SFMBT2: variants seen among roughly 807,000 people sequenced by gnomAD.
The protein encoded by SFMBT2 is Scm like with four mbt domains 2.
SFMBT2 carries 38 observed loss-of-function variants against 110.1 expected under a neutral mutation model. The ratio of observed to expected loss-of-function variants is 0.35; its 90% CI spans 0.27 to 0.45. The LOEUF (loss-of-function observed/expected upper bound fraction) is 0.45. Among genes scored for constraint, SFMBT2 ranks in the 20% least tolerant of loss-of-function variants. SFMBT2 has a pLI of 1.00. For synonymous variants in SFMBT2, 425 were observed against 425.4 expected, an observed-to-expected ratio of 1.00 and a Z score of 0.01; for missense variants, 1,011 against 1,094.9, an observed-to-expected ratio of 0.92 and a Z score of 1.08.
At chr10:7,175,732 C>T (rs1033986729) in intron 17 of SFMBT2, among the ~76,000 whole-genome samples, 1 of 146,996 alleles carries the variant, frequency 6.8e-6, no homozygotes. Context: ...ACAGTACACA[C>T]AGTTCCTCTT....
At chr10:7,179,866 G>A (rs1030418589) in intron 16 of SFMBT2, among the ~76,000 whole-genome samples, 16 of 152,232 alleles carry the variant, frequency 1.1e-4, no homozygotes, top group Non-Finnish European at 2.4e-4. Flanking sequence ...TCACAATAGG[G>A]AAAAGCCCAT....
chr10:7,184,584 T>C (rs1838340592), intron 16 of SFMBT2, among the ~76,000 whole-genome samples: 1 of 152,090 alleles, frequency 6.6e-6, no homozygotes, highest in Non-Finnish European at 1.5e-5. Context: ...TCTAAATGGA[T>C]TTTGAGTCAA....
At chr10:7,366,431 C>CAAAAA (rs890894030) in intron 4 of SFMBT2, among the ~76,000 whole-genome samples, 7 of 63,224 alleles carry the variant, frequency 1.1e-4, no homozygotes, top group Admixed American at 3.4e-4. Context: ...TATATCATAA[C>CAAAAA]AAAAAAAAAA....
At chr10:7,177,719 A>AT (rs886820788) in intron 16 of SFMBT2, among the ~76,000 whole-genome samples, 2 of 152,030 alleles carry the variant, frequency 1.3e-5, no homozygotes, top group Non-Finnish European at 2.9e-5. Flanking sequence ...TTTAAAAACT[A>AT]TGGGCACGGT....
At chr10:7,351,007 C>A (rs1034642873) in intron 4 of SFMBT2, among the ~76,000 whole-genome samples, 1 of 152,112 alleles carries the variant, frequency 6.6e-6, no homozygotes, top group South Asian at 2.1e-4. Flanking sequence ...TTTCCCAGCT[C>A]CTCTACCTCC....
At chr10:7,264,571 T>A (rs140028995) in intron 7 of SFMBT2, among the ~76,000 whole-genome samples, 1 of 152,122 alleles carries the variant, frequency 6.6e-6, no homozygotes, top group Non-Finnish European at 1.5e-5. Flanking sequence ...AGAGAATGGA[T>A]TGGAATTAGT....
intron 7 of SFMBT2, chr10:7,248,961 G>C (rs1179122183): frequency 5.1e-6 from 1 of 196,748 alleles, no homozygotes; most frequent in African/African-American, 2.4e-5. Context: ...GAGTAAGGGA[G>C]GCAATCTGTC....
chr10:7,254,893 T>C (rs1023327463), intron 7 of SFMBT2, among the ~76,000 whole-genome samples: 1 of 152,106 alleles, frequency 6.6e-6, no homozygotes, highest in African/African-American at 2.4e-5. Context: ...GGATACTGGA[T>C]GGAAGCACTG....
At chr10:7,388,524 ATTTTTTTTTTTTT>A (rs60231769) in intron 1 of SFMBT2, among the ~76,000 whole-genome samples, 1 of 112,094 alleles carries the variant, frequency 8.9e-6, no homozygotes, top group Non-Finnish European at 1.8e-5. Flanking sequence ...TACCCAGCTA[ATTTTTTTTTTTTT>A]TTTTTTTTTT....
chr10:7,350,540 C>T (rs1348398663), intron 4 of SFMBT2, among the ~76,000 whole-genome samples: 3 of 152,146 alleles, frequency 2.0e-5, no homozygotes, highest in East Asian at 1.9e-4. Context: ...GAACTGGCCA[C>T]GACAGCTCGC....
At chr10:7,179,717 C>T (rs1043604796) in intron 16 of SFMBT2, among the ~76,000 whole-genome samples, 15 of 152,200 alleles carry the variant, frequency 9.9e-5, no homozygotes, top group Non-Finnish European at 1.5e-4. Flanking sequence ...CTCCAGGTGA[C>T]GAAGCACACA....
At chr10:7,363,410 G>A (rs1238261897) in intron 4 of SFMBT2, among the ~76,000 whole-genome samples, 11 of 151,608 alleles carry the variant, frequency 7.3e-5, no homozygotes, top group African/African-American at 2.2e-4. Flanking sequence ...GTGCAGTGGC[G>A]CGATCTCGGC....
intron 4 of SFMBT2, among the ~76,000 whole-genome samples, chr10:7,291,082 C>A (rs767250162): frequency 6.6e-6 from 1 of 152,156 alleles, no homozygotes; most frequent in South Asian, 2.1e-4. Flanking sequence ...ACAAGGAGAC[C>A]CATGCTGGGG....
At chr10:7,197,719 G>C (rs923893561) in intron 14 of SFMBT2, 32 bp from the exon 15 acceptor site, 1 of 1,609,032 alleles carries the variant, frequency 6.2e-7, no homozygotes, top group Non-Finnish European at 8.5e-7. Context: ...TCCATGCTTA[G>C]GACCACAGCC....
chr10:7,354,287 G>A (rs1844427043), intron 4 of SFMBT2, among the ~76,000 whole-genome samples: 1 of 152,074 alleles, frequency 6.6e-6, no homozygotes, highest in Admixed American at 6.5e-5. Context: ...GACCATAAGA[G>A]AAAAATTTTC....
chr10:7,249,430 G>A (rs1177109237), intron 7 of SFMBT2: 1 of 755,788 alleles, frequency 1.3e-6, no homozygotes, highest in South Asian at 6.0e-5. Flanking sequence ...TTGCGGAGAT[G>A]GAGGTCACCT....
intron 4 of SFMBT2, among the ~76,000 whole-genome samples, chr10:7,342,495 G>A (rs897326008): frequency 8.4e-5 from 11 of 130,206 alleles, no homozygotes; most frequent in East Asian, 7.6e-4. Context: ...TGCAAACTCC[G>A]CCTCCCGGGT....
In SFMBT2 at chr10:7,220,418, G is replaced by A. The variant is rs749001598; in HGVS notation, c.1323C>T (p.His441=). ...VSVKGRLMWL[H]LEGLQTPVPE... ...CCCCCAGCGAGTACGTACCTTCCAG[G>A]TGAAGCCACATTAGCCGCCCCTTCA... Residue 441 remains histidine (H), a synonymous_variant, in exon 11 of 21, where the codon CAC becomes CAT. Transcript: ENST00000397167. 1.2e-6 allele frequency: 2 copies of A among 1,613,850 alleles called. No homozygotes were observed. The highest frequency in any genetic ancestry group is 1.7e-6 in the Non-Finnish European group (2 of 1,179,862).
rs1255019239 is a variant in SFMBT2, at chr10:7,408,283, C to A, written c.-52+2578G>T. ...GGAGCCACGGACGCGTCCTGGCCGG[C>A]GTGTCGCCATCGTTCAGCCTCGCTG... On this transcript the variant is annotated intron_variant, in intron 1 of 20. Transcript: ENST00000397167. This position sits in a 1 kb window ranked among gnomAD's most constrained non-coding sequence, Gnocchi z 5.7. Among the ~76,000 whole-genome samples the A allele has an allele frequency of 6.6e-6, 1 of 151,754 alleles. No individual in the cohort carries two copies. The highest frequency in any genetic ancestry group is 2.4e-5 in the African/African-American group (1 of 41,270).
Sources: gnomAD v4.1 joint callset for allele counts (sites outside exome capture counted in the v4.1 genomes callset) on GRCh38, gnomAD v4.1.1 for gene constraint, Gnocchi (gnomAD v3.1) non-coding constraint, MANE v1.5 for transcripts, NCBI Gene and HGNC (gene_info 2026-07-23, HGNC 2026-07-21) for gene names.